The following BET1 variants were observed in gnomAD, a reference collection of about 807,000 sequenced individuals.
BET1 encodes the protein Bet1 golgi vesicular membrane trafficking protein.
BET1 carries 9 observed loss-of-function variants against 13.9 expected under a neutral mutation model. That is an observed-to-expected ratio of 0.65 (90% CI 0.39 to 1.13). The LOEUF (loss-of-function observed/expected upper bound fraction) is 1.13. Among genes scored for constraint, BET1 ranks in the 50% most tolerant of loss-of-function variants. BET1 has a pLI of 0.01. For synonymous variants in BET1, 39 were observed against 47.3 expected (o/e 0.82, Z 0.72); for missense variants, 127 against 133.6 (o/e 0.95, Z 0.24).
At chr7:94,001,822 AT>A (rs1795910568) in intron 1 of BET1, among the ~76,000 whole-genome samples, 2 of 152,326 alleles carry the variant, frequency 1.3e-5, no homozygotes, top group Middle Eastern at 3.4e-3. Flanking sequence ...GAATTCAAAC[AT>A]TTGACAACTT....
At chr7:93,974,589 A>T (rs1318796288) in intron 5 of BET1, among the ~76,000 whole-genome samples, 1 of 152,036 alleles carries the variant, frequency 6.6e-6, no homozygotes, top group Non-Finnish European at 1.5e-5. Context: ...TCCATAGAAT[A>T]AAGTAAATAT....
intron 4 of BET1, among the ~76,000 whole-genome samples, chr7:93,985,222 A>C (rs1023580296): frequency 1.3e-5 from 2 of 152,106 alleles, no homozygotes; most frequent in Non-Finnish European, 2.9e-5. Context: ...GTCTGGGAAG[A>C]CTTTCTATAA....
At chr7:93,982,334 C>G (rs904192794) in intron 4 of BET1, among the ~76,000 whole-genome samples, 1 of 152,138 alleles carries the variant, frequency 6.6e-6, no homozygotes, top group Non-Finnish European at 1.5e-5. Context: ...AATTCTCTCA[C>G]TCTGCCATCC....
exon 7 of BET1, chr7:93,962,892 A>G (rs1010365497): frequency 6.6e-6 from 1 of 152,080 alleles, no homozygotes; most frequent in Non-Finnish European, 1.5e-5. Flanking sequence ...GATGGTAAAC[A>G]TCTTGGCTAT....
intron 4 of BET1, among the ~76,000 whole-genome samples, chr7:93,976,698 G>A (rs1469136123): frequency 1.3e-5 from 2 of 151,708 alleles, no homozygotes; most frequent in Admixed American, 6.6e-5. Flanking sequence ...TATTTCAATC[G>A]TTTTCGGAGA....
intron 6 of BET1, among the ~76,000 whole-genome samples, chr7:93,970,081 C>T (rs1341492851): frequency 1.3e-5 from 2 of 151,728 alleles, no homozygotes; most frequent in East Asian, 1.9e-4. Flanking sequence ...ATTCACAATA[C>T]TTCATACAAA....
downstream of BET1, among the ~76,000 whole-genome samples, chr7:93,988,566 TTTAA>T (rs1444773934): frequency 6.6e-6 from 1 of 152,196 alleles, no homozygotes; most frequent in African/African-American, 2.4e-5. Context: ...GTAGGAATTG[TTTAA>T]TTAGTAATTA....
intron 2 of BET1, among the ~76,000 whole-genome samples, chr7:93,996,861 A>G (rs1203493946): frequency 6.6e-6 from 1 of 151,800 alleles, no homozygotes; most frequent in African/African-American, 2.4e-5. Context: ...TTACATTTTG[A>G]AAGATCTAGA....
intron 4 of BET1, among the ~76,000 whole-genome samples, chr7:93,985,665 GGA>G (rs1031025998): frequency 6.6e-6 from 1 of 152,128 alleles, no homozygotes; most frequent in Non-Finnish European, 1.5e-5. Context: ...ACCAAATAAT[GGA>G]GAGTTTTAAG....
chr7:93,969,463 C>G (rs1795226016), intron 6 of BET1: 1 of 151,780 alleles, frequency 6.6e-6, no homozygotes, highest in Non-Finnish European at 1.5e-5. Context: ...ATCAATTTAA[C>G]AAGTAAACTC....
At chr7:93,987,864 A>G (rs1795555406) in intron 4 of BET1, among the ~76,000 whole-genome samples, 1 of 152,192 alleles carries the variant, frequency 6.6e-6, no homozygotes, top group African/African-American at 2.4e-5. Context: ...CCCTGTAGAC[A>G]TGGCATTCAA....
chr7:93,978,716 A>G (rs10264310), intron 4 of BET1, among the ~76,000 whole-genome samples: 64,731 of 152,038 alleles, frequency 0.43, 15,179 homozygotes, highest in African/African-American at 0.63. Context: ...GCAAACTTAC[A>G]TCATGAAAAT....
intron 4 of BET1, among the ~76,000 whole-genome samples, chr7:93,977,903 C>T (rs181408183): frequency 1.3e-5 from 2 of 152,170 alleles, no homozygotes; most frequent in East Asian, 3.9e-4. Flanking sequence ...GAATCCTTTA[C>T]CTGATTATAT....
chr7:93,978,168 A>G (rs555027096), intron 4 of BET1, among the ~76,000 whole-genome samples: 1 of 152,128 alleles, frequency 6.6e-6, no homozygotes, highest in South Asian at 2.1e-4. Context: ...CTCTGAGGCT[A>G]AATGATCCTC....
At chr7:93,996,698 TTATTA>T (rs2116125406) in intron 2 of BET1, among the ~76,000 whole-genome samples, 1 of 149,332 alleles carries the variant, frequency 6.7e-6, no homozygotes, top group African/African-American at 2.4e-5. Context: ...TACATTTTAT[TTATTA>T]TATTTTATAA....
chr7:94,001,631 G>T (rs746927644), intron 1 of BET1, among the ~76,000 whole-genome samples: 1 of 152,068 alleles, frequency 6.6e-6, no homozygotes, highest in African/African-American at 2.4e-5. Flanking sequence ...ATATTTTTCC[G>T]CTCAGTCAAA....
chr7:93,982,381 AC>A (rs1239908430), intron 4 of BET1, among the ~76,000 whole-genome samples: 1 of 152,194 alleles, frequency 6.6e-6, no homozygotes, highest in African/African-American at 2.4e-5. Flanking sequence ...AAACAAATTT[AC>A]CTATCTGGGT....
chr7:94,002,335 TA>T (rs992331421), intron 1 of BET1, among the ~76,000 whole-genome samples: 6 of 149,830 alleles, frequency 4.0e-5, no homozygotes, highest in African/African-American at 4.9e-5. Flanking sequence ...ATTCATACTT[TA>T]AAAAAAAAGA....
chr7:93,984,611 A>C (rs907244848), intron 4 of BET1, among the ~76,000 whole-genome samples: 1 of 152,180 alleles, frequency 6.6e-6, no homozygotes, highest in Non-Finnish European at 1.5e-5. Context: ...GTGGCAAAAC[A>C]GCACTGATTA....
Sources: allele counts gnomAD v4.1 joint callset (sites outside exome capture counted in the v4.1 genomes callset), GRCh38; gene constraint gnomAD v4.1.1; transcripts MANE v1.5; gene names NCBI Gene and HGNC (gene_info 2026-07-23, HGNC 2026-07-21).